The following CCDC42 variants were observed in gnomAD, a reference collection of about 807,000 sequenced individuals.
The protein encoded by CCDC42 is coiled-coil domain-containing protein 42.
Under a neutral mutation model 40.8 loss-of-function variants are expected in CCDC42, and 38 were observed. The observed-to-expected ratio is 0.93, with a 90% CI of 0.72 to 1.22. The LOEUF (loss-of-function observed/expected upper bound fraction) is 1.22, where lower values mean the gene tolerates loss of function less well. Ranked by LOEUF, CCDC42 falls within the 50% of genes most tolerant of loss-of-function variation. The pLI is 0.00. For synonymous variants in CCDC42, 135 were observed against 157.5 expected, an observed-to-expected ratio of 0.86 and a Z score of 1.07; for missense variants, 379 against 416.5, an observed-to-expected ratio of 0.91 and a Z score of 0.78.
chr17:8,743,099 G>A (rs76573219), intron 3 of CCDC42, among the ~76,000 whole-genome samples: 1 of 152,198 alleles, frequency 6.6e-6, no homozygotes, highest in Non-Finnish European at 1.5e-5. Context: ...AGTGCTACCT[G>A]GAGTGGGTCT....
At chr17:8,743,057 C>T (rs577779418) in intron 3 of CCDC42, among the ~76,000 whole-genome samples, 7 of 152,336 alleles carry the variant, frequency 4.6e-5, no homozygotes, top group South Asian at 4.1e-4. Context: ...TACCCACTCC[C>T]GGAGCTGGAC....
intron 6 of CCDC42, among the ~76,000 whole-genome samples, chr17:8,730,512 G>A (rs1210143354): frequency 6.6e-6 from 1 of 151,960 alleles, no homozygotes; most frequent in Non-Finnish European, 1.5e-5. Context: ...GCTAATTTTT[G>A]TGTTTTTAGT....
At chr17:8,734,829 C>T (rs922242579) in intron 6 of CCDC42, among the ~76,000 whole-genome samples, 2 of 152,160 alleles carry the variant, frequency 1.3e-5, no homozygotes, top group South Asian at 4.1e-4. Context: ...TGCAATGGTT[C>T]TCAAAGTATG....
chr17:8,731,700 TGAG>T (rs2086581179), intron 6 of CCDC42, among the ~76,000 whole-genome samples: 1 of 152,128 alleles, frequency 6.6e-6, no homozygotes, highest in African/African-American at 2.4e-5. Context: ...AGCTAAATGA[TGAG>T]AACACGTGGA....
rs138157856 is a variant in CCDC42 at position 8,735,511 on chromosome 17, C to T, written c.593G>A (p.Arg198His). The T allele has an allele frequency of 3.0e-5, 48 of 1,613,972 alleles. No individual in the cohort carries two copies. The highest frequency in any genetic ancestry group is 1.6e-4 in the African/African-American group (12 of 74,938). Residue 198 changes from arginine (R) to histidine (H), a missense_variant, in exon 5 of 7, where the codon CGC becomes CAC. Transcript: ENST00000293845. This position sits in a 1 kb window ranked among gnomAD's most constrained non-coding sequence, Gnocchi z 4.7. Reference sequence around the variant, plus strand: ...GTAGCGCGCCAGCCGGGCCTTGGCGCGCTCAATCTTCTCCTGGCCTTCCTG... The same window carrying T: ...GTAGCGCGCCAGCCGGGCCTTGGCGTGCTCAATCTTCTCCTGGCCTTCCTG... ...SAQEGQEKIE[R>H]AKARLARYME...
intron 1 of CCDC42, 138 bp from the exon 2 acceptor site, chr17:8,744,322 T>A: frequency 1.3e-6 from 1 of 747,192 alleles, no homozygotes; most frequent in Non-Finnish European, 2.2e-6. Context: ...GCTGTTGTGT[T>A]GAGAAGCATA....
rs2086570719 is a variant in CCDC42 at position 8,730,138 on chromosome 17, G to A, written c.943C>T (p.Arg315Trp). Reference protein sequence around the residue: ...EVKKKEQQRVRI With the variant: ...EVKKKEQQRVWI ...GGAACAAGGCTGCCTCCTTAAATCC[G>A]GACTCGCTGTTGTTCCTTCTTTTTC... Residue 315 changes from arginine (R) to tryptophan (W), a missense_variant, in exon 7 of 7, where the codon CGG becomes TGG. Transcript: ENST00000293845. 2.5e-6 allele frequency: 4 copies of A among 1,613,728 alleles called. No individual in the cohort carries two copies. The highest frequency in any genetic ancestry group is 1.1e-5 in the South Asian group (1 of 91,068).
intron 4 of CCDC42, among the ~76,000 whole-genome samples, chr17:8,738,012 G>GC (rs1166198712): frequency 7.0e-6 from 1 of 142,598 alleles, no homozygotes; most frequent in East Asian, 1.9e-4. Flanking sequence ...TGCAGATTTG[G>GC]GGGGGGTCTC....
At chr17:8,730,257 C>T (rs769756706) in intron 6 of CCDC42, 50 bp from the exon 7 acceptor site, 9 of 1,369,346 alleles carry the variant, frequency 6.6e-6, no homozygotes, top group Non-Finnish European at 8.3e-6. Context: ...GAGGCCTCCC[C>T]TGTCCCAAGA....
Position 8,735,903 on chromosome 17 carries a change from C to G in CCDC42, c.493-292G>C, listed in dbSNP as rs2086609382. Among the ~76,000 whole-genome samples, 2 of 152,186 alleles carry G rather than the reference C, an allele frequency of 1.3e-5. No homozygotes were observed. The highest frequency in any genetic ancestry group is 2.1e-4 in the South Asian group (1 of 4,826). On this transcript the variant is annotated intron_variant, in intron 4 of 6. Coordinates refer to ENST00000293845, the MANE Select transcript of CCDC42 (RefSeq NM_144681.3). This position sits in a 1 kb window ranked among gnomAD's most constrained non-coding sequence, Gnocchi z 4.7. ...ACCTGTAGGGGCTTTAAAAAGGACA[C>G]CTGCCAGTCTCCACCCCCAGAGATT... is the stretch of plus-strand genomic sequence containing the variant.
Position 8,744,812 on chromosome 17 carries a change from A to C in CCDC42, c.-203T>G. On this transcript the variant is annotated 5_prime_UTR_variant, in exon 1 of 7. Coordinates refer to ENST00000293845, the MANE Select transcript of CCDC42 (RefSeq NM_144681.3). ...CTCAGGACGATGTGCTGGGGCAGTT[A>C]TGGGAGATGTGGTTACCTAGCAACA... 1.7e-6 allele frequency: 1 copy of C among 593,794 alleles called. No individual in the cohort carries two copies. The highest frequency in any genetic ancestry group is 2.8e-5 in the East Asian group (1 of 35,374). The allele number at this position is 593,794 out of a possible 1,614,324, so 36.8% of individuals were successfully genotyped here. A position where few individuals can be genotyped will look rare whatever the true frequency, so the allele number is the denominator to read the frequency against.
rs2086606013 is a variant in CCDC42, at chr17:8,735,535, T to A, written c.569A>T (p.Gln190Leu). 2 of 1,614,002 alleles carry A rather than the reference T, an allele frequency of 1.2e-6. No homozygotes were observed. Among genetic ancestry groups the A allele is most frequent in the South Asian group, 2.2e-5 (2 of 91,092 alleles). ...GCGCTCAATCTTCTCCTGGCCTTCCTGCGCAGACTGCATGAGGTCGTGGCG... is the reference window on the plus strand; with the variant it reads ...GCGCTCAATCTTCTCCTGGCCTTCCAGCGCAGACTGCATGAGGTCGTGGCG... Reference protein sequence around the residue: ...SMRHDLMQSAQEGQEKIERAK... With the variant: ...SMRHDLMQSALEGQEKIERAK... The change falls in exon 5 of 7, where the codon CAG becomes CTG. Residue 190 changes from glutamine (Q) to leucine (L), a missense_variant. Gln to Leu is a moderately radical substitution (Grantham distance 113). Transcript: ENST00000293845. The surrounding 1 kb of genome is among the most constrained non-coding windows in gnomAD (Gnocchi z 4.7).
intron 4 of CCDC42, among the ~76,000 whole-genome samples, chr17:8,737,096 AAAG>A (rs1568052092): frequency 2.6e-5 from 4 of 152,182 alleles, no homozygotes; most frequent in Non-Finnish European, 5.9e-5. Context: ...GAAAAAAAGA[AAAG>A]CAAGCAAGCA....
rs747665737 is a variant in CCDC42, at chr17:8,735,108, C to T, written c.861G>A (p.Lys287=). The T allele has an allele frequency of 6.2e-7, 1 of 1,614,194 alleles. No homozygotes were observed. Among genetic ancestry groups the T allele is most frequent in the Admixed American group, 1.7e-5 (1 of 60,024 alleles). Residue 287 remains lysine (K), a synonymous_variant, in exon 6 of 7, where the codon AAG becomes AAA. Coordinates refer to ENST00000293845, the MANE Select transcript of CCDC42 (RefSeq NM_144681.3). This position sits in a 1 kb window ranked among gnomAD's most constrained non-coding sequence, Gnocchi z 4.7. ...VTEVALEDTH[K]QLDMIQQFIQ... is the part of the protein sequence containing the mutation. ...CCCCTCCTCCTACCATGTCCAGCTG[C>T]TTGTGGGTGTCCTCCAGTGCCACCT...
At chr17:8,744,371 G>T (rs2086664925) in intron 1 of CCDC42, among the ~76,000 whole-genome samples, 156 bp downstream of exon 1, 1 of 152,080 alleles carries the variant, frequency 6.6e-6, no homozygotes, top group Non-Finnish European at 1.5e-5. Flanking sequence ...GGGTGACGGG[G>T]TGGAGACCAG....
At chr17:8,741,936 G>A (rs1004444) in intron 3 of CCDC42, among the ~76,000 whole-genome samples, 58,236 of 151,880 alleles carry the variant, frequency 0.38, 11,558 homozygotes, top group Non-Finnish European at 0.44. Flanking sequence ...ATCCAAAGTC[G>A]AGAGGTGGCC....
rs796478326 is a variant in CCDC42, at chr17:8,732,293, C to T, written c.874-2086G>A. ...CAGCCTGGGCGACAGAGTGAGACTC[C>T]GTCTCAAAAAAAAAAAAAAAAAAAA... is the stretch of plus-strand genomic sequence containing the variant. On this transcript the variant is annotated intron_variant, in intron 6 of 6. Transcript: ENST00000293845. Among the ~76,000 whole-genome samples the T allele has an allele frequency of 6.2e-3, 494 of 80,122 alleles. 1 individual carries two copies. Among genetic ancestry groups the T allele is most frequent in the South Asian group, 0.026 (53 of 2,038 alleles). 52.6% of individuals were successfully genotyped at this position (80,122 alleles called of 152,430 possible). A position where few individuals can be genotyped will look rare whatever the true frequency, so the allele number is the denominator to read the frequency against.
At position 8,735,084 on chromosome 17, in the gene CCDC42, C is replaced by T. The variant is rs371674556; in HGVS notation, c.873+12G>A. 2.5e-6 allele frequency: 4 copies of T among 1,613,912 alleles called. No homozygotes were observed. Among genetic ancestry groups the T allele is most frequent in the East Asian group, 2.2e-5 (1 of 44,888 alleles). On this transcript the variant is annotated intron_variant, in intron 6 of 6. Coordinates refer to ENST00000293845, the MANE Select transcript of CCDC42 (RefSeq NM_144681.3). This position sits in a 1 kb window ranked among gnomAD's most constrained non-coding sequence, Gnocchi z 4.7. ...CGACCCCACGGGCCCAGTGCCTGTC[C>T]CCTCCTCCTACCATGTCCAGCTGCT... is the stretch of plus-strand genomic sequence containing the variant.
intron 4 of CCDC42, among the ~76,000 whole-genome samples, chr17:8,739,988 T>C (rs755678498): frequency 1.3e-5 from 2 of 152,132 alleles, no homozygotes; most frequent in Non-Finnish European, 2.9e-5. Context: ...GTGGGACTCA[T>C]GCATGAGTAA....
Sources: gnomAD v4.1 joint callset for allele counts (sites outside exome capture counted in the v4.1 genomes callset) on GRCh38, gnomAD v4.1.1 for gene constraint, Gnocchi (gnomAD v3.1) non-coding constraint, MANE v1.5 for transcripts, NCBI Gene and HGNC (gene_info 2026-07-23, HGNC 2026-07-21) for gene names.